GSTO1: variants seen among roughly 807,000 people sequenced by gnomAD.
GSTO1 encodes the protein glutathione S-transferase omega 1, also known as glutathione S-transferase omega-1.
GSTO1 carries 27 observed loss-of-function variants against 23.8 expected under a neutral mutation model. That is an observed-to-expected ratio of 1.13 (90% CI 0.83 to 1.56). GSTO1 has a LOEUF of 1.56. Among genes scored for constraint, GSTO1 ranks in the 40% most tolerant of loss-of-function variants. GSTO1 has a pLI of 0.00. For synonymous variants in GSTO1, 105 were observed against 109.3 expected, an observed-to-expected ratio of 0.96 and a Z score of 0.25; for missense variants, 255 against 285.8, an observed-to-expected ratio of 0.89 and a Z score of 0.78.
Position 104,266,143 on chromosome 10 carries a change from C to T in GSTO1, c.525C>T (p.Tyr175=), listed in dbSNP as rs756850357. ...FGGNSISMID[Y]LIWPWFERLE... ...GCAATTCTATCTCTATGATTGATTACCTCATCTGGCCCTGGTTTGAACGGC... is the reference window on the plus strand; with the variant it reads ...GCAATTCTATCTCTATGATTGATTATCTCATCTGGCCCTGGTTTGAACGGC... Residue 175 remains tyrosine, a synonymous_variant, in exon 5 of 6, where the codon TAC becomes TAT. Transcript: ENST00000369713. The T allele has an allele frequency of 3.1e-6, 5 of 1,610,960 alleles. No homozygotes were observed. In the South Asian group the frequency reaches 5.5e-5, roughly 18 times the overall value.
At chr10:104,260,351 A>G (rs900300280) in intron 3 of GSTO1, among the ~76,000 whole-genome samples, 9 of 152,142 alleles carry the variant, frequency 5.9e-5, no homozygotes, top group Non-Finnish European at 1.2e-4. Flanking sequence ...CAAGTTACTT[A>G]TTACTTTGCC....
Position 104,267,289 on chromosome 10 carries a change from G to A in GSTO1, c.610G>A (p.Ala204Thr). 9.3e-6 allele frequency: 15 copies of A among 1,613,388 alleles called. No homozygotes were observed. Among genetic ancestry groups the A allele is most frequent in the Non-Finnish European group, 6.8e-6 (8 of 1,179,544 alleles). The stretch of plus-strand genomic sequence containing the variant: ...CACTCCAAAACTGAAACTGTGGATG[G>A]CAGCCATGAAGGAAGATCCCACAGT... ...DHTPKLKLWMAAMKEDPTVSA... is the reference protein window; with the variant it reads ...DHTPKLKLWMTAMKEDPTVSA... Residue 204 changes from alanine to threonine, a missense_variant, in exon 6 of 6, where the codon GCA (alanine) becomes ACA (threonine). Coordinates refer to ENST00000369713, the MANE Select transcript of GSTO1 (RefSeq NM_004832.3).
chr10:104,264,984 A>G (rs1290562823), intron 4 of GSTO1, among the ~76,000 whole-genome samples: 1 of 152,246 alleles, frequency 6.6e-6, no homozygotes, highest in East Asian at 1.9e-4. Context: ...CTGCAAATCG[A>G]TAGCCCAGGA....
chr10:104,257,639 C>T (rs1044722022), intron 2 of GSTO1, among the ~76,000 whole-genome samples: 22 of 151,600 alleles, frequency 1.5e-4, no homozygotes, highest in Admixed American at 4.6e-4. Flanking sequence ...CCAAGCCTGG[C>T]CTTGTGGGTG....
intron 2 of GSTO1, 123 bp from the exon 3 acceptor site, chr10:104,259,453 G>A: frequency 8.0e-6 from 5 of 622,286 alleles, no homozygotes; most frequent in Non-Finnish European, 1.4e-5. Flanking sequence ...AGAATGGAAG[G>A]AATCTAGGCA....
At chr10:104,255,310 G>A (rs1367760495) in intron 2 of GSTO1, 39 bp downstream of exon 2, 2 of 1,389,392 alleles carry the variant, frequency 1.4e-6, no homozygotes, top group Non-Finnish European at 2.0e-6. Context: ...GAGCCGTCCG[G>A]GAGCCTGCTG....
chr10:104,261,994 CTT>C (rs147949177), intron 3 of GSTO1, among the ~76,000 whole-genome samples: 11,200 of 152,170 alleles, frequency 0.074, 1,382 homozygotes, highest in African/African-American at 0.25. Context: ...TTCCCTAGCT[CTT>C]TGCAGTTGGG....
At chr10:104,259,144 TGGGTATATA>T in intron 2 of GSTO1, among the ~76,000 whole-genome samples, 2 of 152,238 alleles carry the variant, frequency 1.3e-5, no homozygotes, top group Non-Finnish European at 2.9e-5. Flanking sequence ...ATCTCACTAC[TGGGTATATA>T]TCCAAATTAA....
intron 4 of GSTO1, among the ~76,000 whole-genome samples, chr10:104,264,309 TCTG>T (rs2011162047): frequency 6.6e-6 from 1 of 152,226 alleles, no homozygotes. Context: ...TTTATATTTT[TCTG>T]CTGAACAGTG....
At chr10:104,257,559 T>C (rs913852900) in intron 2 of GSTO1, among the ~76,000 whole-genome samples, 2 of 152,120 alleles carry the variant, frequency 1.3e-5, no homozygotes, top group African/African-American at 2.4e-5. Context: ...CAGGCTGGTC[T>C]TGAACTCCTG....
chr10:104,258,837 C>CA (rs1012606042), intron 2 of GSTO1, among the ~76,000 whole-genome samples: 4 of 151,128 alleles, frequency 2.6e-5, no homozygotes, highest in Admixed American at 6.6e-5. Flanking sequence ...GACAGAGTGT[C>CA]AAAAAAAATT....
chr10:104,265,041 G>C (rs966780966), intron 4 of GSTO1, among the ~76,000 whole-genome samples: 2 of 152,194 alleles, frequency 1.3e-5, no homozygotes, highest in African/African-American at 4.8e-5. Context: ...CTGAATGCTT[G>C]CTTTTGCACC....
upstream of GSTO1, chr10:104,254,740 C>T (rs2091592718): frequency 1.5e-6 from 1 of 646,494 alleles, no homozygotes; most frequent in Non-Finnish European, 2.8e-6. Context: ...TTGACACAGC[C>T]CCTTAAGATG....
chr10:104,265,583 T>C (rs1397001273), intron 4 of GSTO1, among the ~76,000 whole-genome samples: 1 of 152,248 alleles, frequency 6.6e-6, no homozygotes, highest in East Asian at 1.9e-4. Flanking sequence ...AGTGGTTCCA[T>C]ACCCTTGCCA....
At chr10:104,261,611 G>A (rs1349372234) in intron 3 of GSTO1, among the ~76,000 whole-genome samples, 2 of 152,192 alleles carry the variant, frequency 1.3e-5, no homozygotes, top group East Asian at 3.8e-4. Flanking sequence ...ACATTGCAAA[G>A]GGACTGAAGT....
rs35764157 is a variant in GSTO1, at chr10:104,259,041, T to C, written c.144-535T>C. 1.4e-3 allele frequency among the ~76,000 whole-genome samples: 211 copies of C among 152,200 alleles called. 1 individual carries two copies. The highest frequency in any genetic ancestry group is 2.8e-3 in the Non-Finnish European group (187 of 67,978). On this transcript the variant is annotated intron_variant, in intron 2 of 5. Transcript: ENST00000369713. ...TGTAGAAATCAGAACCTTTGCACAC[T>C]GTTGGCGGGAATGTAAAATGGTACA...
intron 3 of GSTO1, among the ~76,000 whole-genome samples, chr10:104,261,044 T>C (rs1238058217): frequency 6.6e-6 from 1 of 152,214 alleles, no homozygotes; most frequent in African/African-American, 2.4e-5. Flanking sequence ...AAAAATCTCT[T>C]TGGTCTGGTG....
chr10:104,256,889 T>A (rs1355650553), intron 2 of GSTO1, among the ~76,000 whole-genome samples: 2 of 145,000 alleles, frequency 1.4e-5, no homozygotes, highest in Non-Finnish European at 2.9e-5. Flanking sequence ...CCAAATAATT[T>A]TTTTTTTTTT....
rs780006289 is a variant in GSTO1 at position 104,254,916 on chromosome 10, G to C, written c.-13G>C. The C allele has an allele frequency of 2.4e-5, 38 of 1,611,262 alleles. No individual in the cohort carries two copies. Among genetic ancestry groups the C allele is most frequent in the Non-Finnish European group, 3.1e-5 (37 of 1,179,154 alleles). On this transcript the variant is annotated 5_prime_UTR_variant, in exon 1 of 6. Coordinates refer to ENST00000369713, the MANE Select transcript of GSTO1 (RefSeq NM_004832.3). ...TGCAAACCCCAGAGGAGCTCGGCCT[G>C]CGCTGCGCCACGATGTCCGGGGAGT...
Sources: allele counts gnomAD v4.1 joint callset (sites outside exome capture counted in the v4.1 genomes callset), GRCh38; gene constraint gnomAD v4.1.1; transcripts MANE v1.5; gene names NCBI Gene and HGNC (gene_info 2026-07-23, HGNC 2026-07-21).